The following MTMR1 variants were observed in gnomAD, a reference collection of about 807,000 sequenced individuals.
MTMR1 encodes phosphatidylinositol-3-phosphate phosphatase MTMR1.
MTMR1 carries 17 observed loss-of-function variants against 51.6 expected under a neutral mutation model. The observed-to-expected ratio is 0.33, with a 90% CI of 0.23 to 0.49. The LOEUF is 0.49. Among genes scored for constraint, MTMR1 ranks in the 20% least tolerant of loss-of-function variants. The pLI, the probability that MTMR1 is intolerant of heterozygous loss-of-function variation, is 0.99. For synonymous variants in MTMR1, 201 were observed against 205.6 expected (o/e 0.98, Z 0.19); for missense variants, 386 against 526.9 (o/e 0.73, Z 2.62).
intron 1 of MTMR1, among the ~76,000 whole-genome samples, chrX:150,698,680 G>GCACACACACACACACACACACACACA (rs1214335904): frequency 1.6e-5 from 1 of 62,989 alleles, no homozygotes; most frequent in African/African-American, 6.6e-5. Context: ...ACACGCGCGC[G>GCACACACACACACACACACACACACA]CACACACACA....
chrX:150,764,990 G>T lies in MTMR1; in HGVS notation c.*2261G>T, dbSNP rs2043256995. 1 of 112,268 alleles carries T rather than the reference G, an allele frequency of 8.9e-6. No homozygotes were observed. Among genetic ancestry groups the T allele is most frequent in the Admixed American group, 9.4e-5 (1 of 10,633 alleles). 9.3% of individuals were successfully genotyped at this position (112,268 alleles called of 1,213,427 possible). On this transcript the variant is annotated 3_prime_UTR_variant, in exon 16 of 16. Coordinates refer to ENST00000445323, the MANE Select transcript of MTMR1 (RefSeq NM_001306144.3). ...TAGATTTTTCCTTTGAGGAAAATCG[G>T]TAATAAAATAACATGGATTGAATGT...
intron 12 of MTMR1, among the ~76,000 whole-genome samples, chrX:150,740,335 C>T (rs2042389527): frequency 8.9e-6 from 1 of 111,812 alleles, no homozygotes; most frequent in South Asian, 3.7e-4. Context: ...CCTGAGCATT[C>T]GATGCTGTTG....
Position 150,699,315 on chromosome X carries a change from G to A in MTMR1, c.252+15G>A. Reference sequence around the variant, plus strand: ...GAGATTACAAGGTAAGCAACATTGAGTGTTTAATTCATTTTCAGTATGCTA... The same window carrying A: ...GAGATTACAAGGTAAGCAACATTGAATGTTTAATTCATTTTCAGTATGCTA... On this transcript the variant is annotated intron_variant, in intron 2 of 15. Coordinates refer to ENST00000445323, the MANE Select transcript of MTMR1 (RefSeq NM_001306144.3). The A allele has an allele frequency of 9.1e-7, 1 of 1,097,292 alleles. No individual in the cohort carries two copies. The highest frequency in any genetic ancestry group is 1.2e-6 in the Non-Finnish European group (1 of 802,702). 90.4% of individuals were successfully genotyped at this position (1,097,292 alleles called of 1,213,427 possible). A position where few individuals can be genotyped will look rare whatever the true frequency, so the allele number is the denominator to read the frequency against.
intron 2 of MTMR1, among the ~76,000 whole-genome samples, chrX:150,711,971 G>A (rs1557416233): frequency 9.2e-6 from 1 of 108,726 alleles, no homozygotes; most frequent in Non-Finnish European, 1.9e-5. Context: ...TTTTATCATT[G>A]GTTTTTGGGG....
chrX:150,695,141 G>T (rs2148537165), intron 1 of MTMR1, among the ~76,000 whole-genome samples: 1 of 112,197 alleles, frequency 8.9e-6, no homozygotes, highest in African/African-American at 3.2e-5. Context: ...CCCCTGAGGT[G>T]AATGTGAGCC....
chrX:150,760,716 G>C (rs1190101645), intron 15 of MTMR1, among the ~76,000 whole-genome samples: 13 of 111,609 alleles, frequency 1.2e-4, no homozygotes, highest in African/African-American at 4.2e-4. Flanking sequence ...TTGAGATCAG[G>C]AGTTCGAGAC....
chrX:150,702,572 A>G (rs1557415977), intron 2 of MTMR1, among the ~76,000 whole-genome samples: 1 of 112,102 alleles, frequency 8.9e-6, no homozygotes, highest in Non-Finnish European at 1.9e-5. Context: ...CAGTAAGAAT[A>G]TCGCTGGTAT....
At chrX:150,762,376 T>G (rs986978341) in intron 15 of MTMR1, among the ~76,000 whole-genome samples, 189 bp from the exon 16 acceptor site, 2 of 111,836 alleles carry the variant, frequency 1.8e-5, no homozygotes, top group African/African-American at 6.5e-5. Flanking sequence ...GCGGCCTCAG[T>G]GGCAGCCAAA....
intron 2 of MTMR1, among the ~76,000 whole-genome samples, chrX:150,705,077 A>G (rs1392254615): frequency 8.9e-6 from 1 of 112,279 alleles, no homozygotes; most frequent in African/African-American, 3.2e-5. Context: ...TAAAACTAGA[A>G]AATACAATAA....
At chrX:150,693,391 C>G (rs2040542550), upstream of MTMR1, 1 of 721,664 alleles carries the variant, frequency 1.4e-6, no homozygotes, top group African/African-American at 2.4e-5. Flanking sequence ...GCGGGGCCGC[C>G]AGGTGACAGC....
At chrX:150,727,661 T>C (rs1557416824) in intron 5 of MTMR1, 23 bp from the exon 6 acceptor site, 2 of 1,117,299 alleles carry the variant, frequency 1.8e-6, no homozygotes, top group Non-Finnish European at 2.5e-6. Context: ...CTAATAGGCA[T>C]TGATCTTAAT....
At chrX:150,699,150 A>G (rs2040812832) in intron 1 of MTMR1, 45 bp from the exon 2 acceptor site, 1 of 892,817 alleles carries the variant, frequency 1.1e-6, no homozygotes, top group Non-Finnish European at 1.6e-6. Flanking sequence ...TTTTTCACTG[A>G]GATCCTATGA....
chrX:150,737,613 G>A (rs892812977), intron 12 of MTMR1, among the ~76,000 whole-genome samples, 165 bp downstream of exon 12: 3 of 112,148 alleles, frequency 2.7e-5, no homozygotes, highest in Middle Eastern at 4.6e-3. Flanking sequence ...TGGACCTCAG[G>A]CATTGTATGT....
At position 150,733,296 on chromosome X, in the gene MTMR1, C is replaced by T. The variant is rs2042170509; in HGVS notation, c.1080+566C>T. ...TCCATCTCCTTCACTGATTTCTCTT[C>T]CCAGTCTTCAAATGGCATTGCTCCT... On this transcript the variant is annotated intron_variant, in intron 10 of 15. Coordinates refer to ENST00000445323, the MANE Select transcript of MTMR1 (RefSeq NM_001306144.3). Among the ~76,000 whole-genome samples, 3 of 111,664 alleles carry T rather than the reference C, an allele frequency of 2.7e-5. No homozygotes were observed. In the South Asian group the frequency reaches 1.1e-3, roughly 42 times the overall value.
rs781989494 is a variant in MTMR1, at chrX:150,739,496, C to G, written c.1473+2048C>G. ...ACTGCCTTCTACCTTCCTCCCCAAA[C>G]TGTATGTCCTAGGGGAGAGAAAGCT... On this transcript the variant is annotated intron_variant, in intron 12 of 15. Coordinates refer to ENST00000445323, the MANE Select transcript of MTMR1 (RefSeq NM_001306144.3). Among the ~76,000 whole-genome samples, 5 of 112,392 alleles carry G rather than the reference C, an allele frequency of 4.4e-5. No homozygotes were observed. The Middle Eastern group carries it at 0.018, about 414-fold the overall frequency.
At chrX:150,716,261 A>G (rs782197502) in intron 3 of MTMR1, among the ~76,000 whole-genome samples, 81 of 113,045 alleles carry the variant, frequency 7.2e-4, no homozygotes, top group South Asian at 1.4e-3. Flanking sequence ...TGATTAAAAT[A>G]GCTTTCTCAC....
intron 2 of MTMR1, among the ~76,000 whole-genome samples, chrX:150,711,714 A>G (rs2041315633): frequency 8.9e-6 from 1 of 112,409 alleles, no homozygotes; most frequent in Non-Finnish European, 1.9e-5. Flanking sequence ...CCCTTTGGCC[A>G]TGCAGCTGGT....
chrX:150,712,921 G>T (rs2041363236), intron 3 of MTMR1: 2 of 922,636 alleles, frequency 2.2e-6, no homozygotes, highest in African/African-American at 4.2e-5. Flanking sequence ...TTTTCCTCAT[G>T]ATTTTCCTTC....
intron 10 of MTMR1, 45 bp downstream of exon 10, chrX:150,732,775 C>T: frequency 9.2e-7 from 1 of 1,086,752 alleles, no homozygotes; most frequent in South Asian, 2.2e-5. Context: ...ATTTTCATGT[C>T]CTGTCTGTAA....
Sources: allele counts gnomAD v4.1 joint callset (sites outside exome capture counted in the v4.1 genomes callset), GRCh38; gene constraint gnomAD v4.1.1; transcripts MANE v1.5; gene names NCBI Gene and HGNC (gene_info 2026-07-23, HGNC 2026-07-21).